Variants in NALF1 observed in about 807,000 individuals in gnomAD.
NALF1 encodes the protein NALCN channel auxiliary factor 1, also known as family with sequence similarity 155 member A.
In NALF1, 3 loss-of-function variants were observed where a neutral mutation model predicts 48.4. That is an observed-to-expected ratio of 0.06 (90% CI 0.03 to 0.16). The LOEUF (loss-of-function observed/expected upper bound fraction) is 0.16. Ranked by LOEUF, NALF1 falls within the 10% of genes least tolerant of loss-of-function variation. The pLI, the probability that NALF1 is intolerant of heterozygous loss-of-function variation, is 1.00. For synonymous variants in NALF1, 262 were observed against 245.7 expected, an observed-to-expected ratio of 1.07 and a Z score of -0.62; for missense variants, 526 against 571.5, an observed-to-expected ratio of 0.92 and a Z score of 0.81.
chr13:107,209,784 G>A lies in NALF1; in HGVS notation c.1087+800C>T, dbSNP rs150338508. 3.9e-5 allele frequency among the ~76,000 whole-genome samples: 6 copies of A among 152,188 alleles called. No homozygotes were observed. In the East Asian group the frequency reaches 9.7e-4, roughly 25 times the overall value. On this transcript the variant is annotated intron_variant, in intron 2 of 2. Coordinates refer to ENST00000375915, the MANE Select transcript of NALF1 (RefSeq NM_001080396.3). The stretch of plus-strand genomic sequence containing the variant: ...CAAAACGTGCTACAGCTTGAGCCAC[G>A]TAATTCCAGGGACGCCTTATAGCAT...
intron 1 of NALF1, among the ~76,000 whole-genome samples, chr13:107,545,822 CT>C (rs1877122427): frequency 6.6e-6 from 1 of 152,122 alleles, no homozygotes; most frequent in Admixed American, 6.6e-5. Context: ...GTATGACTCT[CT>C]TCCTGAACCT....
chr13:107,664,311 C>G (rs1325572224), intron 1 of NALF1, among the ~76,000 whole-genome samples: 1 of 152,138 alleles, frequency 6.6e-6, no homozygotes, highest in Non-Finnish European at 1.5e-5. Flanking sequence ...GGCTTCTCAT[C>G]ACCTTCCATC....
intron 1 of NALF1, among the ~76,000 whole-genome samples, chr13:107,670,599 T>A (rs1296405306): frequency 6.6e-6 from 1 of 152,160 alleles, no homozygotes; most frequent in Non-Finnish European, 1.5e-5. Flanking sequence ...GACTCTTTAC[T>A]ATCATTGTAA....
intron 1 of NALF1, among the ~76,000 whole-genome samples, chr13:107,855,758 A>G (rs1880427318): frequency 6.6e-6 from 1 of 152,256 alleles, no homozygotes; most frequent in Non-Finnish European, 1.5e-5. Flanking sequence ...GAATGTTCGC[A>G]CACTCTTAAC....
At chr13:107,805,148 A>G (rs1235424950) in intron 1 of NALF1, among the ~76,000 whole-genome samples, 1 of 152,210 alleles carries the variant, frequency 6.6e-6, no homozygotes, top group Non-Finnish European at 1.5e-5. Context: ...CAGAAGTGTA[A>G]TTATCCTAGG....
At chr13:107,451,520 G>A (rs978120978) in intron 1 of NALF1, among the ~76,000 whole-genome samples, 1 of 152,180 alleles carries the variant, frequency 6.6e-6, no homozygotes, top group African/African-American at 2.4e-5. Context: ...AGGGCACCGT[G>A]TGATGTTAAA....
At chr13:107,404,672 T>A (rs114341335) in intron 1 of NALF1, among the ~76,000 whole-genome samples, 1 of 152,244 alleles carries the variant, frequency 6.6e-6, no homozygotes, top group African/African-American at 2.4e-5. Context: ...TCATGTATAC[T>A]TCAGTAGGAA....
chr13:107,422,922 T>C (rs1884216272), intron 1 of NALF1, among the ~76,000 whole-genome samples: 1 of 152,136 alleles, frequency 6.6e-6, no homozygotes, highest in Non-Finnish European at 1.5e-5. Flanking sequence ...CTCTAGAAGC[T>C]GGGAAGGCAA....
chr13:107,293,769 T>G (rs906231328), intron 1 of NALF1, among the ~76,000 whole-genome samples: 3 of 152,168 alleles, frequency 2.0e-5, no homozygotes, highest in Non-Finnish European at 4.4e-5. Context: ...TTGCAAGAAG[T>G]ACCTTCCATT....
At position 107,363,442 on chromosome 13, in the gene NALF1, T is replaced by C. The variant is rs368521245; in HGVS notation, c.916-152687A>G. Among the ~76,000 whole-genome samples the C allele has an allele frequency of 2.6e-5, 4 of 151,964 alleles. No individual in the cohort carries two copies. In the East Asian group the frequency reaches 5.8e-4, roughly 22 times the overall value. On this transcript the variant is annotated intron_variant, in intron 1 of 2. Transcript: ENST00000375915. Reference sequence around the variant, plus strand: ...GACCACGTTTCTACAAAAATAAAAGTAAAAAGATTATTGGGGCATGGTGGC... The same window carrying C: ...GACCACGTTTCTACAAAAATAAAAGCAAAAAGATTATTGGGGCATGGTGGC...
chr13:107,353,026 G>A (rs1373964463), intron 1 of NALF1, among the ~76,000 whole-genome samples: 2 of 151,972 alleles, frequency 1.3e-5, no homozygotes, highest in South Asian at 4.2e-4. Flanking sequence ...CCTGCATAAC[G>A]AGACAACCTT....
chr13:107,794,853 A>T (rs1364962290), intron 1 of NALF1, among the ~76,000 whole-genome samples: 3 of 152,158 alleles, frequency 2.0e-5, no homozygotes, highest in Non-Finnish European at 4.4e-5. Flanking sequence ...GCTATGTTTA[A>T]ATTACACAAA....
chr13:107,623,316 C>A (rs1018319737), intron 1 of NALF1, among the ~76,000 whole-genome samples: 12 of 152,070 alleles, frequency 7.9e-5, no homozygotes, highest in African/African-American at 2.9e-4. Context: ...AAGCAAACAC[C>A]AATTTTCCTG....
chr13:107,668,939 C>T (rs1445672073), intron 1 of NALF1, among the ~76,000 whole-genome samples: 1 of 151,968 alleles, frequency 6.6e-6, no homozygotes, highest in Non-Finnish European at 1.5e-5. Flanking sequence ...GTTTTCAACA[C>T]ATCTTAAAAA....
At chr13:107,325,060 A>T (rs1371360537) in intron 1 of NALF1, among the ~76,000 whole-genome samples, 1 of 152,202 alleles carries the variant, frequency 6.6e-6, no homozygotes, top group Non-Finnish European at 1.5e-5. Context: ...CTATTCAATC[A>T]AGAGCTATCT....
intron 1 of NALF1, among the ~76,000 whole-genome samples, chr13:107,589,827 T>A (rs1044693153): frequency 1.3e-5 from 2 of 151,880 alleles, no homozygotes; most frequent in African/African-American, 4.8e-5. Flanking sequence ...GCTTATATGA[T>A]ATGATGGGAC....
At chr13:107,810,347 C>A (rs1878950261) in intron 1 of NALF1, among the ~76,000 whole-genome samples, 1 of 151,984 alleles carries the variant, frequency 6.6e-6, no homozygotes, top group African/African-American at 2.4e-5. Context: ...ATCTCAGAGT[C>A]TCTTCATCCC....
In NALF1 at chr13:107,445,814, G is replaced by A. The variant is rs75992017; in HGVS notation, c.916-235059C>T. On this transcript the variant is annotated intron_variant, in intron 1 of 2. Transcript: ENST00000375915. ...CTCTCCACAGTTTGCATTCCCAAAT[G>A]GCTATTGGTGATGAGCAGAAAAAAA... Among the ~76,000 whole-genome samples the A allele has an allele frequency of 1.7e-3, 258 of 152,112 alleles. 8 individuals carry two copies. In the East Asian group the frequency reaches 0.047, roughly 28 times the overall value.
intron 1 of NALF1, among the ~76,000 whole-genome samples, chr13:107,215,939 C>T (rs761137801): frequency 2.6e-5 from 4 of 152,120 alleles, no homozygotes; most frequent in African/African-American, 7.2e-5. Flanking sequence ...TAGAAGATTG[C>T]TAATGTAAAT....
Sources: allele counts gnomAD v4.1 joint callset (sites outside exome capture counted in the v4.1 genomes callset), GRCh38; gene constraint gnomAD v4.1.1; transcripts MANE v1.5; gene names NCBI Gene and HGNC (gene_info 2026-07-23, HGNC 2026-07-21).